Variants in FAT3 observed in about 807,000 individuals in gnomAD.
The protein encoded by FAT3 is FAT atypical cadherin 3, also known as protocadherin Fat 3.
FAT3 carries 95 observed loss-of-function variants against 310.2 expected under a neutral mutation model. The ratio of observed to expected loss-of-function variants is 0.31; its 90% CI spans 0.26 to 0.36. The LOEUF is 0.36. Among genes scored for constraint, FAT3 ranks in the 10% least tolerant of loss-of-function variants. FAT3 has a pLI of 1.00. For missense variants in FAT3, 5,408 were observed against 5,715.6 expected, an observed-to-expected ratio of 0.95 and a Z score of 1.74; for synonymous variants, 2,314 against 2,192.9, an observed-to-expected ratio of 1.06 and a Z score of -1.54.
chr11:92,815,536 G>T (rs940261839), intron 13 of FAT3, among the ~76,000 whole-genome samples: 1 of 151,958 alleles, frequency 6.6e-6, no homozygotes, highest in South Asian at 2.1e-4. Context: ...TCACGCCACC[G>T]CACTCCAGCC....
chr11:92,774,176 C>T lies in FAT3; in HGVS notation c.4331C>T (p.Thr1444Ile), dbSNP rs778608577. Residue 1444 changes from threonine to isoleucine, a missense_variant, in exon 7 of 28, where the codon ACT (threonine) becomes ATT (isoleucine). Transcript: ENST00000525166. ...ACCGATGGGACAAATGTTGCTGTTA[C>T]TCAGGTGAGATGTTAAATTACTGAA... ...EVTDGTNVAV[T>I]QVFIKVLDNN... The T allele has an allele frequency of 7.5e-6, 12 of 1,608,700 alleles. No individual in the cohort carries two copies. Among genetic ancestry groups the T allele is most frequent in the African/African-American group, 6.7e-5 (5 of 74,732 alleles).
intron 2 of FAT3, among the ~76,000 whole-genome samples, chr11:92,513,358 T>C (rs1176318920): frequency 6.6e-6 from 1 of 152,144 alleles, no homozygotes; most frequent in Non-Finnish European, 1.5e-5. Context: ...TTAAGAATCT[T>C]ATACAGGTCC....
At chr11:92,335,890 G>T in intron 1 of FAT3, 1 of 262,256 alleles carries the variant, frequency 3.8e-6, no homozygotes, top group Non-Finnish European at 7.4e-6. Context: ...ACACAACAAA[G>T]TCCAAAGTTT....
intron 2 of FAT3, among the ~76,000 whole-genome samples, chr11:92,466,019 C>G (rs1028892030): frequency 3.3e-5 from 5 of 152,126 alleles, no homozygotes; most frequent in African/African-American, 1.2e-4. Flanking sequence ...TCATGTACAT[C>G]ACCTGATTTC....
chr11:92,802,253 C>T (rs1035382438), intron 10 of FAT3, among the ~76,000 whole-genome samples: 5 of 152,132 alleles, frequency 3.3e-5, no homozygotes, highest in Non-Finnish European at 7.4e-5. Context: ...TGTTTTTAAG[C>T]ATGTTCCTTT....
intron 3 of FAT3, among the ~76,000 whole-genome samples, chr11:92,665,036 C>A (rs1412393254): frequency 6.6e-6 from 1 of 152,204 alleles, no homozygotes; most frequent in Non-Finnish European, 1.5e-5. Context: ...TCATCCATGA[C>A]AGTTGCAGTG....
chr11:92,800,100 A>G lies in FAT3; in HGVS notation c.7087A>G (p.Lys2363Glu). Residue 2363 changes from lysine (K) to glutamate (E), a missense_variant, in exon 10 of 28, where the codon AAA (lysine) becomes GAA (glutamate). Lys to Glu is a moderately conservative substitution (Grantham distance 56). Around this residue, in one of 5 missense-constraint regions of FAT3, gnomAD observed 4,588 missense variants for 4,809.8 expected, o/e 0.95. Transcript: ENST00000525166. ...TGAGTTAGTACAACACTGCACTTTG[A>G]AAGTCAGATCAATAGATAGTGGCTT... is the stretch of plus-strand genomic sequence containing the variant. ...DHELVQHCTL[K>E]VRSIDSGFPS... 1 of 1,613,986 alleles carries G rather than the reference A, an allele frequency of 6.2e-7. No homozygotes were observed. The highest frequency in any genetic ancestry group is 8.5e-7 in the Non-Finnish European group (1 of 1,179,882).
chr11:92,357,070 G>T (rs1394490894), intron 2 of FAT3, among the ~76,000 whole-genome samples: 15 of 152,242 alleles, frequency 9.9e-5, no homozygotes, highest in Non-Finnish European at 1.8e-4. Flanking sequence ...TTATAATTTA[G>T]TTGGAATATA....
intron 1 of FAT3, among the ~76,000 whole-genome samples, chr11:92,298,774 T>C (rs994508751): frequency 3.9e-5 from 6 of 152,126 alleles, no homozygotes; most frequent in African/African-American, 1.4e-4. Context: ...AAGTTGAGTA[T>C]TTTGAACTTG....
intron 2 of FAT3, among the ~76,000 whole-genome samples, chr11:92,388,285 C>T (rs769802483): frequency 6.6e-6 from 1 of 152,040 alleles, no homozygotes; most frequent in Admixed American, 6.6e-5. Context: ...TTCTCCTTTC[C>T]CTCACTCCCT....
Position 92,466,046 on chromosome 11 carries a change from A to C in FAT3, c.3293-58588A>C, listed in dbSNP as rs556542015. Among the ~76,000 whole-genome samples, 18 of 152,294 alleles carry C rather than the reference A, an allele frequency of 1.2e-4. 1 individual carries two copies. In the South Asian group the frequency reaches 3.7e-3, roughly 32 times the overall value. On this transcript the variant is annotated intron_variant, in intron 2 of 27. Coordinates refer to ENST00000525166, the MANE Select transcript of FAT3 (RefSeq NM_001367949.2). ...CCTGATTTCATTATCTTAATTCTAT[A>C]CAGCAGGTACTATTGTCCTACCTTC...
At chr11:92,762,452 C>T (rs549765134) in intron 5 of FAT3, among the ~76,000 whole-genome samples, 2 of 152,236 alleles carry the variant, frequency 1.3e-5, no homozygotes, top group Admixed American at 6.5e-5. Flanking sequence ...TTTCTGCAGC[C>T]CTAAATCATC....
At chr11:92,856,048 A>C (rs1372183449) in intron 19 of FAT3, among the ~76,000 whole-genome samples, 1 of 145,948 alleles carries the variant, frequency 6.9e-6, no homozygotes, top group Non-Finnish European at 1.5e-5. Flanking sequence ...TGGCATAATC[A>C]TAGCTCACTG....
In FAT3 at chr11:92,524,912, A is replaced by C; in HGVS notation, c.3571A>C (p.Asn1191His). The change falls in exon 3 of 28, where the codon AAT becomes CAT. Residue 1191 changes from asparagine (N) to histidine (H), a missense_variant. Physicochemically the swap from Asn to His is moderately conservative, Grantham distance 68 (BLOSUM62 1). Coordinates refer to ENST00000525166, the MANE Select transcript of FAT3 (RefSeq NM_001367949.2). ...ACTGACATACAGGATTACAAGTGGAAATCCTCAGAATTTTTTTGCCATCAA... is the reference window on the plus strand; with the variant it reads ...ACTGACATACAGGATTACAAGTGGACATCCTCAGAATTTTTTTGCCATCAA... ...EKLTYRITSG[N>H]PQNFFAINIK... 6.2e-7 allele frequency: 1 copy of C among 1,613,730 alleles called. No homozygotes were observed. The highest frequency in any genetic ancestry group is 8.5e-7 in the Non-Finnish European group (1 of 1,179,744).
At chr11:92,473,306 T>C (rs1166023215) in intron 2 of FAT3, among the ~76,000 whole-genome samples, 1 of 150,560 alleles carries the variant, frequency 6.6e-6, no homozygotes, top group African/African-American at 2.5e-5. Flanking sequence ...GTGTTCTCAC[T>C]TGTGTGTGTG....
chr11:92,730,970 A>C (rs957681397), intron 4 of FAT3, among the ~76,000 whole-genome samples: 1 of 152,184 alleles, frequency 6.6e-6, no homozygotes, highest in African/African-American at 2.4e-5. Context: ...ACCCTTCATT[A>C]TGAAATCGGG....
chr11:92,584,681 A>G (rs1227743224), intron 3 of FAT3, among the ~76,000 whole-genome samples: 1 of 152,026 alleles, frequency 6.6e-6, no homozygotes, highest in African/African-American at 2.4e-5. Flanking sequence ...AGATGGTAGA[A>G]AAGGAGTGGG....
At position 92,368,833 on chromosome 11, in the gene FAT3, C is replaced by CATATATAT. The variant is rs778237959; in HGVS notation, c.3292+13437_3292+13444dup. ...TAACAACAGTATGTTTGTGTGTATACATATATATATATATACACACATACA... is the reference window on the plus strand; with the variant it reads ...TAACAACAGTATGTTTGTGTGTATACATATATATATATATATATATATACACACATACA... On this transcript the variant is annotated intron_variant, in intron 2 of 27. Coordinates refer to ENST00000525166, the MANE Select transcript of FAT3 (RefSeq NM_001367949.2). Among the ~76,000 whole-genome samples the CATATATAT allele has an allele frequency of 4.5e-3, 633 of 140,972 alleles. 9 individuals carry two copies. Among genetic ancestry groups the CATATATAT allele is most frequent in the African/African-American group, 7.0e-3 (243 of 34,784 alleles). 92.5% of individuals were successfully genotyped at this position (140,972 alleles called of 152,430 possible).
At chr11:92,586,591 A>G (rs1939168433) in intron 3 of FAT3, among the ~76,000 whole-genome samples, 1 of 152,006 alleles carries the variant, frequency 6.6e-6, no homozygotes. Flanking sequence ...AACAAATAAT[A>G]ATCATGGCCA....
Sources: allele counts gnomAD v4.1 joint callset (sites outside exome capture counted in the v4.1 genomes callset), GRCh38; gene constraint gnomAD v4.1.1; regional missense constraint gnomAD v4.1.1; transcripts MANE v1.5; gene names NCBI Gene and HGNC (gene_info 2026-07-23, HGNC 2026-07-21).